The following STON1 variants were observed in gnomAD, a reference collection of about 807,000 sequenced individuals.
The protein encoded by STON1 is stonin-1.
In STON1, 79 loss-of-function variants were observed where a neutral mutation model predicts 60.9. The observed-to-expected ratio is 1.30, with a 90% CI of 1.08 to 1.56. The LOEUF is 1.56. Ranked by LOEUF, STON1 falls within the 40% of genes most tolerant of loss-of-function variation. The pLI, the probability that STON1 is intolerant of heterozygous loss-of-function variation, is 0.00. For missense variants in STON1, 1,166 were observed against 858.9 expected (o/e 1.36, Z -4.47); for synonymous variants, 363 against 306.9 (o/e 1.18, Z -1.91).
chr2:48,550,213 A>G (rs563010421), intron 1 of STON1, among the ~76,000 whole-genome samples: 1 of 152,142 alleles, frequency 6.6e-6, no homozygotes, highest in South Asian at 2.1e-4. Context: ...AAGCATATTT[A>G]TATACTGGGC....
Position 48,582,028 on chromosome 2 carries a change from G to T in STON1, c.1395G>T (p.Lys465Asn). 1 of 1,614,148 alleles carries T rather than the reference G, an allele frequency of 6.2e-7. No individual in the cohort carries two copies. Among genetic ancestry groups the T allele is most frequent in the East Asian group, 2.2e-5 (1 of 44,890 alleles). Reference protein sequence around the residue: ...FLTLNDLELPKRDESYYEKDS... With the variant: ...FLTLNDLELPNRDESYYEKDS... ...CCTTGAATGACCTTGAGTTGCCGAAGCGAGATGAATCCTATTATGAGAAGG... is the reference window on the plus strand; with the variant it reads ...CCTTGAATGACCTTGAGTTGCCGAATCGAGATGAATCCTATTATGAGAAGG... The change falls in exon 2 of 4, where the codon AAG becomes AAT. Residue 465 changes from lysine (K) to asparagine (N), a missense_variant. Lys to Asn is a moderately conservative substitution (Grantham distance 94). Transcript: ENST00000404752.
intron 1 of STON1, among the ~76,000 whole-genome samples, 196 bp from the exon 2 acceptor site, chr2:48,580,391 T>G (rs952906682): frequency 6.6e-6 from 1 of 152,192 alleles, no homozygotes; most frequent in African/African-American, 2.4e-5. Context: ...CCTTTCACTT[T>G]CAGCATATGT....
intron 1 of STON1, among the ~76,000 whole-genome samples, chr2:48,550,211 T>A (rs924695241): frequency 3.3e-5 from 5 of 152,020 alleles, no homozygotes; most frequent in Non-Finnish European, 2.9e-5. Flanking sequence ...TTAAGCATAT[T>A]TATATACTGG....
chr2:48,559,972 G>C (rs1490689016), intron 1 of STON1, among the ~76,000 whole-genome samples: 1 of 152,166 alleles, frequency 6.6e-6, no homozygotes, highest in Non-Finnish European at 1.5e-5. Context: ...AATGCAGCTT[G>C]TTTTGTGTGT....
intron 1 of STON1, among the ~76,000 whole-genome samples, chr2:48,539,826 C>A (rs1054667274): frequency 6.6e-6 from 1 of 152,082 alleles, no homozygotes; most frequent in Non-Finnish European, 1.5e-5. Flanking sequence ...ATAGGCCACT[C>A]ATTTTCTACT....
intron 3 of STON1, 59 bp downstream of exon 3, chr2:48,591,914 G>A (rs1674537199): frequency 1.9e-6 from 3 of 1,573,948 alleles, no homozygotes; most frequent in African/African-American, 2.7e-5. Context: ...TTGTTTTGCT[G>A]TCTTTTGTGA....
At chr2:48,592,594 G>GATATTA (rs1558652824) in intron 3 of STON1, among the ~76,000 whole-genome samples, 1 of 92,606 alleles carries the variant, frequency 1.1e-5, no homozygotes, top group African/African-American at 4.0e-5. Flanking sequence ...ACCACACCCA[G>GATATTA]CTATTATTAT....
chr2:48,564,840 C>T (rs1252461375), intron 1 of STON1, among the ~76,000 whole-genome samples: 4 of 146,106 alleles, frequency 2.7e-5, no homozygotes, highest in African/African-American at 1.0e-4. Context: ...CCAAGTGATT[C>T]TCCTGCCTCA....
chr2:48,558,461 A>G (rs1378007287), intron 1 of STON1, among the ~76,000 whole-genome samples: 2 of 152,196 alleles, frequency 1.3e-5, no homozygotes, highest in Non-Finnish European at 2.9e-5. Flanking sequence ...ACAAACCAAT[A>G]TGCATTTGAT....
chr2:48,557,355 G>A (rs1246784058), intron 1 of STON1, among the ~76,000 whole-genome samples: 3 of 98,316 alleles, frequency 3.1e-5, no homozygotes, highest in African/African-American at 7.3e-5. Flanking sequence ...GGGCAGAGGC[G>A]CTCCCCACAT....
chr2:48,546,468 C>T (rs991299254), intron 1 of STON1, among the ~76,000 whole-genome samples: 1 of 152,186 alleles, frequency 6.6e-6, no homozygotes, highest in Non-Finnish European at 1.5e-5. Context: ...GTTTGGAGTT[C>T]TCCAGGACCT....
chr2:48,544,641 G>A (rs1180227635), intron 1 of STON1, among the ~76,000 whole-genome samples: 1 of 152,132 alleles, frequency 6.6e-6, no homozygotes, highest in Non-Finnish European at 1.5e-5. Flanking sequence ...TGCCTCCCAG[G>A]TTCAAGCGAT....
At chr2:48,554,489 C>T (rs1210002169) in intron 1 of STON1, among the ~76,000 whole-genome samples, 1 of 152,180 alleles carries the variant, frequency 6.6e-6, no homozygotes, top group African/African-American at 2.4e-5. Context: ...TCCCAAAGTG[C>T]TAGGATTACA....
intron 1 of STON1, among the ~76,000 whole-genome samples, chr2:48,571,943 C>A (rs535337153): frequency 2.2e-4 from 33 of 152,122 alleles, no homozygotes; most frequent in African/African-American, 7.0e-4. Flanking sequence ...GGCAGGTGAA[C>A]CACAAGGTCA....
chr2:48,571,220 G>T (rs1185554988), intron 1 of STON1, among the ~76,000 whole-genome samples: 3 of 152,148 alleles, frequency 2.0e-5, no homozygotes, highest in African/African-American at 2.4e-5. Flanking sequence ...ATTGAAAGTA[G>T]ACCTTTGAAA....
intron 1 of STON1, among the ~76,000 whole-genome samples, chr2:48,561,040 T>G (rs1672589380): frequency 6.6e-6 from 1 of 152,218 alleles, no homozygotes; most frequent in African/African-American, 2.4e-5. Flanking sequence ...CATTTCCTCC[T>G]CTTGTAAAGT....
rs1672782059 is a variant in STON1 at position 48,564,476 on chromosome 2, CTTCTTTCTT to C, written c.-47-16110_-47-16102del. Among the ~76,000 whole-genome samples the C allele has an allele frequency of 1.8e-4, 9 of 50,388 alleles. 1 individual carries two copies. Among genetic ancestry groups the C allele is most frequent in the African/African-American group, 6.2e-4 (8 of 12,944 alleles). 33.1% of individuals were successfully genotyped at this position (50,388 alleles called of 152,430 possible). A position where few individuals can be genotyped will look rare whatever the true frequency, so the allele number is the denominator to read the frequency against. ...TCTTCTTCTTCTTCTTCTTCTTCTTCTTCTTTCTTCTTCTTCTTCTTCTTCTTCTTCTTC... is the reference window on the plus strand; with the variant it reads ...TCTTCTTCTTCTTCTTCTTCTTCTTCCTTCTTCTTCTTCTTCTTCTTCTTC... On this transcript the variant is annotated intron_variant, in intron 1 of 3. Transcript: ENST00000404752.
At chr2:48,563,881 A>G (rs1430005652) in intron 1 of STON1, among the ~76,000 whole-genome samples, 2 of 151,346 alleles carry the variant, frequency 1.3e-5, no homozygotes, top group Non-Finnish European at 2.9e-5. Context: ...TTAACTTTTA[A>G]TGGAGATGAG....
At chr2:48,543,121 C>T (rs112552587) in intron 1 of STON1, among the ~76,000 whole-genome samples, 10,870 of 151,750 alleles carry the variant, frequency 0.072, 549 homozygotes, top group Non-Finnish European at 0.11. Flanking sequence ...ATTACAGGCA[C>T]CTGCTACCAT....
Sources: allele counts gnomAD v4.1 joint callset (sites outside exome capture counted in the v4.1 genomes callset), GRCh38; gene constraint gnomAD v4.1.1; transcripts MANE v1.5; gene names NCBI Gene and HGNC (gene_info 2026-07-23, HGNC 2026-07-21).